Variants in DPH6 observed in about 807,000 individuals in gnomAD.
The protein encoded by DPH6 is diphthine--ammonia ligase.
In DPH6, 33 loss-of-function variants were observed where a neutral mutation model predicts 38.2. That is an observed-to-expected ratio of 0.86 (90% CI 0.65 to 1.15). The LOEUF (loss-of-function observed/expected upper bound fraction) is 1.15, where lower values mean the gene tolerates loss of function less well. Among genes scored for constraint, DPH6 ranks in the 50% most tolerant of loss-of-function variants. The pLI is 0.00. For missense variants in DPH6, 325 were observed against 320.0 expected (o/e 1.02, Z -0.12); for synonymous variants, 108 against 103.0 (o/e 1.05, Z -0.30).
intron 3 of DPH6, among the ~76,000 whole-genome samples, chr15:35,459,654 G>A (rs1188690915): frequency 2.6e-5 from 4 of 152,154 alleles, no homozygotes; most frequent in African/African-American, 9.7e-5. Context: ...GATATAGGGT[G>A]AGAAGAGGGC....
the DPH6 span, among the ~76,000 whole-genome samples, chr15:35,200,040 T>C: frequency 6.6e-6 from 1 of 151,632 alleles, no homozygotes; most frequent in Non-Finnish European, 1.5e-5. Context: ...CACTGTGGCT[T>C]CCTCCAAAAA....
chr15:35,337,133 T>G (rs1278682278), intron 3 of DPH6, among the ~76,000 whole-genome samples: 1 of 152,192 alleles, frequency 6.6e-6, no homozygotes, highest in East Asian at 1.9e-4. Flanking sequence ...ATCCTGTTAT[T>G]GGTCTATTCA....
chr15:35,369,825 C>T (rs1204638829), downstream of DPH6, among the ~76,000 whole-genome samples: 1 of 151,684 alleles, frequency 6.6e-6, no homozygotes, highest in Non-Finnish European at 1.5e-5. Context: ...GATCTTCAAT[C>T]CCAGTCAAAA....
At chr15:35,425,254 T>A (rs78443735) in intron 5 of DPH6, among the ~76,000 whole-genome samples, 4,080 of 151,634 alleles carry the variant, frequency 0.027, 96 homozygotes, top group African/African-American at 0.061. Context: ...GGTACAAATA[T>A]CCTCCTGGAC....
At chr15:35,490,277 G>T in intron 3 of DPH6, 1 of 772,032 alleles carries the variant, frequency 1.3e-6, no homozygotes, top group Non-Finnish European at 1.6e-6. Context: ...CATAAAGAGA[G>T]GTTTGTAGTA....
intron 3 of DPH6, among the ~76,000 whole-genome samples, chr15:35,504,267 T>C (rs1273842375): frequency 6.6e-6 from 1 of 152,010 alleles, no homozygotes; most frequent in African/African-American, 2.4e-5. Flanking sequence ...TCCTACCTCC[T>C]GCCACTACTT....
At chr15:35,538,677 TCTA>T (rs1366755729) in intron 2 of DPH6, among the ~76,000 whole-genome samples, 3 of 152,132 alleles carry the variant, frequency 2.0e-5, no homozygotes, top group Non-Finnish European at 2.9e-5. Context: ...CCTAATAATC[TCTA>T]CTACTAATTA....
In DPH6 at chr15:35,535,204, A is replaced by G. The variant is rs1323768985; in HGVS notation, c.312+3070T>C. ...AGCATAAAGACACATCATAAAAGTT[A>G]ACAGAGAACAAAAACAGGCCACCTA... is the stretch of plus-strand genomic sequence containing the variant. On this transcript the variant is annotated intron_variant, in intron 3 of 8. Coordinates refer to ENST00000256538, the MANE Select transcript of DPH6 (RefSeq NM_080650.4). 2.6e-5 allele frequency among the ~76,000 whole-genome samples: 4 copies of G among 152,190 alleles called. No homozygotes were observed. The East Asian group carries it at 5.8e-4, about 22-fold the overall frequency.
At chr15:35,298,838 T>C in intron 3 of DPH6, 1 of 1,054,838 alleles carries the variant, frequency 9.5e-7, no homozygotes, top group Non-Finnish European at 1.5e-6. Context: ...ATGGCAGTTT[T>C]GGAAGACTGT....
chr15:35,388,203 T>A (rs2052998965), intron 6 of DPH6, among the ~76,000 whole-genome samples: 1 of 152,204 alleles, frequency 6.6e-6, no homozygotes, highest in Non-Finnish European at 1.5e-5. Flanking sequence ...CACTTGATCA[T>A]GGTGAATAAG....
rs183948187 is a variant in DPH6, at chr15:35,309,351, T to C, written n.200+64170A>G. Among the ~76,000 whole-genome samples, 791 of 152,290 alleles carry C rather than the reference T, an allele frequency of 5.2e-3. 4 individuals carry two copies. The highest frequency in any genetic ancestry group is 0.018 in the African/African-American group (758 of 41,552). On this transcript the variant is annotated intron_variant and non_coding_transcript_variant, in intron 3 of 3. Transcript: ENST00000560386. Reference sequence around the variant, plus strand: ...TCATTAAGAAAGAGAATATTTAATATTCAAGTGAAAAAAATATTTTCCTCA... The same window carrying C: ...TCATTAAGAAAGAGAATATTTAATACTCAAGTGAAAAAAATATTTTCCTCA...
intron 3 of DPH6, chr15:35,299,249 C>T: frequency 8.9e-7 from 1 of 1,123,746 alleles, no homozygotes; most frequent in Non-Finnish European, 1.4e-6. Context: ...CCACAATTTG[C>T]CCGGTCATCT....
intron 3 of DPH6, among the ~76,000 whole-genome samples, chr15:35,227,518 T>A (rs946826105): frequency 1.3e-5 from 2 of 152,016 alleles, no homozygotes; most frequent in Admixed American, 1.3e-4. Flanking sequence ...TTTATTTGGC[T>A]CTTCTCATTT....
chr15:35,366,330 C>T (rs1306335449), downstream of DPH6, among the ~76,000 whole-genome samples: 6 of 151,390 alleles, frequency 4.0e-5, no homozygotes, highest in Non-Finnish European at 7.4e-5. Flanking sequence ...AGATTTCAAT[C>T]CCCCATTGTG....
chr15:35,283,820 C>T (rs754908896), intron 3 of DPH6, among the ~76,000 whole-genome samples: 3 of 150,868 alleles, frequency 2.0e-5, no homozygotes, highest in African/African-American at 4.9e-5. Flanking sequence ...CTTCTGAATG[C>T]CCTGGAAAAT....
At chr15:35,246,566 T>C (rs1163831049) in intron 3 of DPH6, among the ~76,000 whole-genome samples, 1 of 152,216 alleles carries the variant, frequency 6.6e-6, no homozygotes, top group Non-Finnish European at 1.5e-5. Context: ...TTGTTCATCC[T>C]TGGAGAGCAC....
At position 35,451,889 on chromosome 15, in the gene DPH6, G is replaced by A. The variant is rs578154393; in HGVS notation, c.387-1086C>T. Among the ~76,000 whole-genome samples, 1,224 of 152,132 alleles carry A rather than the reference G, an allele frequency of 8.0e-3. 17 individuals carry two copies. Among genetic ancestry groups the A allele is most frequent in the African/African-American group, 0.027 (1,111 of 41,494 alleles). On this transcript the variant is annotated intron_variant, in intron 4 of 8. Transcript: ENST00000256538. ...GCCAGGCATGGTGGCGGGCGCCTGT[G>A]GTCCCAGCTACTCGGGAGGCTGAGG...
At chr15:35,278,499 G>A (rs1378912508) in intron 3 of DPH6, among the ~76,000 whole-genome samples, 1 of 152,222 alleles carries the variant, frequency 6.6e-6, no homozygotes, top group Non-Finnish European at 1.5e-5. Context: ...AGCACCAAGG[G>A]GACGTGTGAG....
the DPH6 span, among the ~76,000 whole-genome samples, chr15:35,174,143 T>C: frequency 6.6e-6 from 1 of 152,202 alleles, no homozygotes; most frequent in South Asian, 2.1e-4. Flanking sequence ...ATTGGTACAA[T>C]GTCCAACCAG....
Sources: gnomAD v4.1 joint callset for allele counts (sites outside exome capture counted in the v4.1 genomes callset) on GRCh38, gnomAD v4.1.1 for gene constraint, MANE v1.5 for transcripts, NCBI Gene and HGNC (gene_info 2026-07-23, HGNC 2026-07-21) for gene names.